Variants in EPHB1 observed in about 807,000 individuals in gnomAD.
EPHB1 encodes the protein ephrin type-B receptor 1.
EPHB1 carries 30 observed loss-of-function variants against 94.4 expected under a neutral mutation model. The ratio of observed to expected loss-of-function variants is 0.32; its 90% CI spans 0.24 to 0.43. The LOEUF (loss-of-function observed/expected upper bound fraction) is 0.43. Among genes scored for constraint, EPHB1 ranks in the 20% least tolerant of loss-of-function variants. The probability of loss-of-function intolerance (pLI) is 1.00; values close to 1 mark genes in which losing one functional copy is unlikely to be tolerated. For synonymous variants in EPHB1, 522 were observed against 489.1 expected, an observed-to-expected ratio of 1.07 and a Z score of -0.89; for missense variants, 1,055 against 1,308.3, an observed-to-expected ratio of 0.81 and a Z score of 2.99.
At chr3:134,893,939 G>A (rs892595699) in intron 1 of EPHB1, among the ~76,000 whole-genome samples, 5 of 152,204 alleles carry the variant, frequency 3.3e-5, no homozygotes, top group Non-Finnish European at 7.3e-5. Context: ...GCAAATGAAG[G>A]CAGGAATGAA....
intron 3 of EPHB1, among the ~76,000 whole-genome samples, chr3:135,025,590 A>G (rs867779957): frequency 2.4e-5 from 1 of 42,110 alleles, no homozygotes; most frequent in Non-Finnish European, 5.6e-5. Context: ...ATGTGCCACA[A>G]TTTGCTTAAT....
chr3:134,904,455 G>A (rs1420141368), intron 1 of EPHB1, among the ~76,000 whole-genome samples: 2 of 149,466 alleles, frequency 1.3e-5, no homozygotes, highest in South Asian at 4.3e-4. Flanking sequence ...GTGTCAGCCT[G>A]GGCCAGTGTG....
intron 1 of EPHB1, among the ~76,000 whole-genome samples, chr3:134,850,077 G>A (rs1463551744): frequency 6.6e-6 from 1 of 152,204 alleles, no homozygotes; most frequent in East Asian, 1.9e-4. Context: ...GCTGTGTACT[G>A]TGGCTCCAGG....
chr3:135,053,013 A>ATG (rs369600482), intron 3 of EPHB1, among the ~76,000 whole-genome samples: 5 of 71,694 alleles, frequency 7.0e-5, no homozygotes, highest in South Asian at 4.9e-4. Context: ...GTGTATATAT[A>ATG]TGTGTGTGTG....
intron 1 of EPHB1, among the ~76,000 whole-genome samples, chr3:134,818,383 T>C (rs150947662): frequency 4.7e-4 from 72 of 152,340 alleles, no homozygotes; most frequent in Middle Eastern, 3.4e-3. Context: ...TTTAAAATTT[T>C]ATTTGTCCAT....
chr3:135,198,705 G>A (rs1490592753), intron 11 of EPHB1, among the ~76,000 whole-genome samples: 1 of 152,184 alleles, frequency 6.6e-6, no homozygotes, highest in African/African-American at 2.4e-5. Flanking sequence ...CGTTACTTAG[G>A]CTCTGCTGAT....
intron 1 of EPHB1, among the ~76,000 whole-genome samples, chr3:134,889,794 C>T (rs967858013): frequency 1.3e-5 from 2 of 151,980 alleles, no homozygotes; most frequent in Admixed American, 6.6e-5. Context: ...TCTCCTTCCT[C>T]AGCCCCCCGA....
rs940534194 is a variant in EPHB1 at position 135,249,744 on chromosome 3, CAG to C, written c.2846+256_2846+257del. On this transcript the variant is annotated intron_variant, in intron 15 of 15. Transcript: ENST00000398015. Reference sequence around the variant, plus strand: ...GCCATATGTCATTTGCCTAATCACCCAGAGTCTCTTCCCCATTTAAGTTTTTA... The same window carrying C: ...GCCATATGTCATTTGCCTAATCACCCAGTCTCTTCCCCATTTAAGTTTTTA... Among the ~76,000 whole-genome samples, 13 of 152,314 alleles carry C rather than the reference CAG, an allele frequency of 8.5e-5. No individual in the cohort carries two copies. The South Asian group carries it at 1.5e-3, about 17-fold the overall frequency.
chr3:134,890,091 G>A (rs538517392), intron 1 of EPHB1, among the ~76,000 whole-genome samples: 5 of 151,838 alleles, frequency 3.3e-5, no homozygotes, highest in Non-Finnish European at 7.4e-5. Flanking sequence ...CTCTACAAAC[G>A]CAGAGGAAGC....
intron 3 of EPHB1, among the ~76,000 whole-genome samples, chr3:134,992,208 T>G (rs1293605023): frequency 6.6e-6 from 1 of 152,150 alleles, no homozygotes; most frequent in Non-Finnish European, 1.5e-5. Flanking sequence ...GCTGGGACAC[T>G]AGCCCAGCAC....
At chr3:135,246,047 G>A (rs1027299714) in intron 13 of EPHB1, among the ~76,000 whole-genome samples, 5 of 152,168 alleles carry the variant, frequency 3.3e-5, no homozygotes, top group African/African-American at 1.2e-4. Context: ...TCCAGGACAG[G>A]TGGTAAAGCT....
chr3:135,187,434 GATGATGGCGAATCGA>G (rs1942356350), intron 10 of EPHB1, among the ~76,000 whole-genome samples: 1 of 152,220 alleles, frequency 6.6e-6, no homozygotes, highest in Non-Finnish European at 1.5e-5. Context: ...TTAGAGTTCA[GATGATGGCGAATCGA>G]AGTACCACAG....
intron 3 of EPHB1, among the ~76,000 whole-genome samples, chr3:135,049,399 C>T (rs763849700): frequency 6.6e-6 from 1 of 152,216 alleles, no homozygotes; most frequent in Non-Finnish European, 1.5e-5. Flanking sequence ...GGGGTCGTCA[C>T]AAAGGCTTCT....
intron 3 of EPHB1, among the ~76,000 whole-genome samples, chr3:135,101,674 G>T (rs187748608): frequency 6.6e-6 from 1 of 152,040 alleles, no homozygotes; most frequent in Non-Finnish European, 1.5e-5. Flanking sequence ...AAGCCACCAC[G>T]CCTGGCCTGA....
intron 3 of EPHB1, among the ~76,000 whole-genome samples, chr3:134,967,391 G>T (rs936814747): frequency 6.6e-6 from 1 of 152,162 alleles, no homozygotes; most frequent in Admixed American, 6.6e-5. Flanking sequence ...GGTCCTCAAT[G>T]CAGCAGTGTT....
intron 3 of EPHB1, among the ~76,000 whole-genome samples, chr3:135,023,769 GT>G (rs1274373904): frequency 1.4e-5 from 2 of 145,414 alleles, no homozygotes; most frequent in African/African-American, 4.9e-5. Context: ...TTTACTTCTA[GT>G]TTTTATGGTA....
chr3:134,846,117 G>A (rs753814598), intron 1 of EPHB1, among the ~76,000 whole-genome samples: 1 of 152,212 alleles, frequency 6.6e-6, no homozygotes, highest in Non-Finnish European at 1.5e-5. Flanking sequence ...TTCAGGCACT[G>A]CCTCTCCTTG....
intron 6 of EPHB1, 114 bp from the exon 7 acceptor site, chr3:135,161,904 C>A: frequency 8.4e-7 from 1 of 1,185,362 alleles, no homozygotes; most frequent in Non-Finnish European, 1.2e-6. Flanking sequence ...ATGACAACTG[C>A]TAGCAGATAT....
chr3:134,862,518 AAG>A (rs2037288891), intron 1 of EPHB1, among the ~76,000 whole-genome samples: 3 of 152,008 alleles, frequency 2.0e-5, no homozygotes, highest in African/African-American at 4.8e-5. Flanking sequence ...AAAAAAGAAA[AAG>A]AAAAATACTC....
Sources: allele counts gnomAD v4.1 joint callset (sites outside exome capture counted in the v4.1 genomes callset), GRCh38; gene constraint gnomAD v4.1.1; transcripts MANE v1.5; gene names NCBI Gene and HGNC (gene_info 2026-07-23, HGNC 2026-07-21).